The following FAM9B variants were observed in gnomAD, a reference collection of about 807,000 sequenced individuals.
FAM9B encodes the protein family with sequence similarity 9 member B.
FAM9B carries 18 observed loss-of-function variants against 16.6 expected under a neutral mutation model. The observed-to-expected ratio is 1.09, with a 90% CI of 0.75 to 1.61. FAM9B has a LOEUF of 1.61. Ranked by LOEUF, FAM9B falls within the 40% of genes most tolerant of loss-of-function variation. FAM9B has a pLI of 0.00. For synonymous variants in FAM9B, 43 were observed against 42.6 expected (o/e 1.01, Z -0.03); for missense variants, 155 against 136.0 (o/e 1.14, Z -0.70).
chrX:9,030,636 GTC>G (rs1424231209), intron 4 of FAM9B: 3 of 205,076 alleles, frequency 1.5e-5, no homozygotes, highest in African/African-American at 8.9e-5. Context: ...ATAATTAAAA[GTC>G]TCTATTTTTT....
chrX:9,031,326 A>G (rs1921066881), intron 4 of FAM9B: 1 of 111,731 alleles, frequency 9.0e-6, no homozygotes, highest in Non-Finnish European at 1.9e-5. Context: ...ATGGTCCTAT[A>G]AGAGTGTAAC....
intron 1 of FAM9B, chrX:9,033,299 C>T: frequency 9.3e-7 from 1 of 1,069,765 alleles, no homozygotes; most frequent in East Asian, 3.4e-5. Flanking sequence ...ACCTGAACTC[C>T]ACGGCCTCTG....
In FAM9B at chrX:9,029,321, C is replaced by T; in HGVS notation, c.379G>A (p.Glu127Lys). Residue 127 changes from glutamate (E) to lysine (K), a missense_variant, in exon 6 of 9, where the codon GAG becomes AAG. By Grantham distance (56) the Glu-to-Lys change is moderately conservative. Transcript: ENST00000327220. Reference protein sequence around the residue: ...QKEEEEEEGEEEELIRIFQEQ... With the variant: ...QKEEEEEEGEKEELIRIFQEQ... ...ATGATACCAACAATTAGTTCTTCCT[C>T]TTCTCCCTCTTCTTCTTCTTCCTCT... The T allele has an allele frequency of 8.3e-7, 1 of 1,199,793 alleles. No homozygotes were observed. The highest frequency in any genetic ancestry group is 1.1e-6 in the Non-Finnish European group (1 of 885,975).
chrX:9,025,479 C>G lies in FAM9B; in HGVS notation c.*31+5G>C. On this transcript the variant is annotated splice_donor_5th_base_variant and intron_variant, in intron 8 of 8. Transcript: ENST00000327220. ...AGTTTTTAATATTAAATATGCACTA[C>G]TTACAGTTCTGACATGATTTTATTT... The G allele has an allele frequency of 1.9e-6, 2 of 1,078,406 alleles. No homozygotes were observed. The highest frequency in any genetic ancestry group is 2.5e-6 in the Non-Finnish European group (2 of 785,378). 88.9% of individuals were successfully genotyped at this position (1,078,406 alleles called of 1,213,427 possible). A position where few individuals can be genotyped will look rare whatever the true frequency, so the allele number is the denominator to read the frequency against.
Position 9,030,408 on chromosome X carries a change from T to C in FAM9B, c.182-48A>G, listed in dbSNP as rs114090285. On this transcript the variant is annotated intron_variant, in intron 4 of 8. Transcript: ENST00000327220. The stretch of plus-strand genomic sequence containing the variant: ...AATGAAAATGGATTAAAAGTTAATG[T>C]TGAAAAGTAGTTTCTTTGCATATAC... 8.9e-4 allele frequency: 897 copies of C among 1,011,920 alleles called. 5 individuals carry two copies. In the African/African-American group the frequency reaches 0.016, roughly 18 times the overall value. 83.4% of individuals were successfully genotyped at this position (1,011,920 alleles called of 1,213,427 possible).
intron 4 of FAM9B, chrX:9,030,566 T>C: frequency 3.4e-6 from 1 of 297,926 alleles, no homozygotes; most frequent in Non-Finnish European, 5.8e-6. Flanking sequence ...AACATTCGCA[T>C]TTCAATTCCA....
Position 9,034,026 on chromosome X carries a change from G to A in FAM9B, c.-264C>T. On this transcript the variant is annotated 5_prime_UTR_variant, in exon 1 of 9. Coordinates refer to ENST00000327220, the MANE Select transcript of FAM9B (RefSeq NM_205849.3). The stretch of plus-strand genomic sequence containing the variant: ...CTGCACTGCAGCCTAGGCAGCAAGA[G>A]CCAGACTCCGTCCCAAAAAAAACAA... The A allele has an allele frequency of 5.7e-6, 2 of 351,724 alleles. No homozygotes were observed. The highest frequency in any genetic ancestry group is 7.4e-6 in the Non-Finnish European group (2 of 271,601). 29.0% of individuals were successfully genotyped at this position (351,724 alleles called of 1,213,427 possible).
chrX:9,030,013 A>T, intron 5 of FAM9B: 1 of 451,277 alleles, frequency 2.2e-6, no homozygotes, highest in African/African-American at 2.4e-5. Context: ...CATTAATTTT[A>T]CAAGAAGGCT....
Position 9,025,402 on chromosome X carries a change from A to G in FAM9B, c.*32-25T>C, listed in dbSNP as rs774118045. ...GCTGTTTCAAAAAAAAATTTAAGTAACTGTAATACACATTTCTGCAAATAA... is the reference window on the plus strand; with the variant it reads ...GCTGTTTCAAAAAAAAATTTAAGTAGCTGTAATACACATTTCTGCAAATAA... On this transcript the variant is annotated intron_variant, in intron 8 of 8. Coordinates refer to ENST00000327220, the MANE Select transcript of FAM9B (RefSeq NM_205849.3). 1.1e-5 allele frequency: 7 copies of G among 659,649 alleles called. No individual in the cohort carries two copies. The East Asian group carries it at 2.6e-4, about 25-fold the overall frequency. 54.4% of individuals were successfully genotyped at this position (659,649 alleles called of 1,213,427 possible). A position where few individuals can be genotyped will look rare whatever the true frequency, so the allele number is the denominator to read the frequency against.
At position 9,033,186 on chromosome X, in the gene FAM9B, T is replaced by C. The variant is rs750265003; in HGVS notation, c.-89-111A>G. ...TGGGGCTGGCCCGCCCTGGGTCTCA[T>C]GTGGGAGCAGGAAGGGACGGAAAAG... On this transcript the variant is annotated intron_variant, in intron 1 of 8. Transcript: ENST00000327220. 19 of 1,149,047 alleles carry C rather than the reference T, an allele frequency of 1.7e-5. No individual in the cohort carries two copies. In the East Asian group the frequency reaches 5.6e-4, roughly 34 times the overall value. 94.7% of individuals were successfully genotyped at this position (1,149,047 alleles called of 1,213,427 possible). A position where few individuals can be genotyped will look rare whatever the true frequency, so the allele number is the denominator to read the frequency against.
In FAM9B at chrX:9,024,658, C is replaced by T. The variant is rs1055893442; in HGVS notation, c.*751G>A. On this transcript the variant is annotated 3_prime_UTR_variant, in exon 9 of 9. Coordinates refer to ENST00000327220, the MANE Select transcript of FAM9B (RefSeq NM_205849.3). ...ATCCTAATGAGTAAATACAAAAGAA[C>T]GCACAGATAAGATAGCTTTTGTCTT... 6.3e-5 allele frequency: 7 copies of T among 111,677 alleles called. No homozygotes were observed. The highest frequency in any genetic ancestry group is 7.4e-4 in the South Asian group (2 of 2,691). The allele number at this position is 111,677 out of a possible 1,213,427, so 9.2% of individuals were successfully genotyped here.
intron 6 of FAM9B, among the ~76,000 whole-genome samples, chrX:9,028,702 T>G (rs768429144): frequency 5.7e-4 from 63 of 111,008 alleles, no homozygotes; most frequent in Non-Finnish European, 9.4e-5. Flanking sequence ...GATAAATAAT[T>G]TTTCCATGGT....
intron 6 of FAM9B, among the ~76,000 whole-genome samples, chrX:9,028,496 C>A (rs2146822837): frequency 9.0e-6 from 1 of 110,997 alleles, no homozygotes; most frequent in East Asian, 2.8e-4. Flanking sequence ...ATGACTTCAA[C>A]ACCTACGTAA....
At chrX:9,027,073 T>C (rs1220445226) in intron 7 of FAM9B, among the ~76,000 whole-genome samples, 2 of 112,021 alleles carry the variant, frequency 1.8e-5, no homozygotes, top group Non-Finnish European at 3.8e-5. Flanking sequence ...TACATCTACA[T>C]GAAGAAGAGG....
chrX:9,032,908 C>T (rs1259011062), intron 2 of FAM9B, 51 bp downstream of exon 2: 1 of 1,198,411 alleles, frequency 8.3e-7, no homozygotes, highest in East Asian at 3.0e-5. Context: ...AGCAGACAGA[C>T]CGTCCTCTTG....
At position 9,030,261 on chromosome X, in the gene FAM9B, C is replaced by A. The variant is rs886947038; in HGVS notation, c.281G>T (p.Arg94Met). 1 of 1,194,724 alleles carries A rather than the reference C, an allele frequency of 8.4e-7. No individual in the cohort carries two copies. Among genetic ancestry groups the A allele is most frequent in the Non-Finnish European group, 1.1e-6 (1 of 886,724 alleles). Residue 94 changes from arginine to methionine, a missense_variant and splice_region_variant, in exon 5 of 9, where the codon AGG becomes ATG. Transcript: ENST00000327220. ...KHALRKKQLKRQKRDYIHSLK... is the reference protein window; with the variant it reads ...KHALRKKQLKMQKRDYIHSLK... ...TATGCAAAAAAGCCAACAGTCATAC[C>A]TTTTAAGTTGCTTTTTTCTCAAAGC...
intron 4 of FAM9B, chrX:9,031,592 GA>G (rs1268340906): frequency 9.0e-6 from 1 of 111,519 alleles, no homozygotes; most frequent in African/African-American, 3.3e-5. Context: ...GACAGGAAGA[GA>G]GGAACAACAG....
chrX:9,027,840 A>G, intron 7 of FAM9B, 28 bp downstream of exon 7: 1 of 1,110,380 alleles, frequency 9.0e-7, no homozygotes, highest in Non-Finnish European at 1.2e-6. Context: ...GTATTTTATA[A>G]TGTATTATGT....
chrX:9,032,008 A>G, intron 4 of FAM9B, 122 bp downstream of exon 4: 1 of 558,674 alleles, frequency 1.8e-6, no homozygotes, highest in Non-Finnish European at 2.8e-6. Context: ...TACGTACGTT[A>G]AATGCTACAT....
Sources: gnomAD v4.1 joint callset for allele counts (sites outside exome capture counted in the v4.1 genomes callset) on GRCh38, gnomAD v4.1.1 for gene constraint, MANE v1.5 for transcripts, NCBI Gene and HGNC (gene_info 2026-07-23, HGNC 2026-07-21) for gene names.